The following TIPARP variants were observed in gnomAD, a reference collection of about 807,000 sequenced individuals.
TIPARP encodes protein mono-ADP-ribosyltransferase TIPARP.
Under a neutral mutation model 56.5 loss-of-function variants are expected in TIPARP, and 12 were observed. The ratio of observed to expected loss-of-function variants is 0.21; its 90% confidence interval spans 0.14 to 0.34. TIPARP has a LOEUF of 0.34. TIPARP is among the 10% of genes least tolerant of loss of function. TIPARP has a pLI of 1.00. For synonymous variants in TIPARP, 296 were observed against 265.7 expected, an observed-to-expected ratio of 1.11 and a Z score of -1.11; for missense variants, 604 against 781.6, an observed-to-expected ratio of 0.77 and a Z score of 2.71.
chr3:156,705,165 A>C lies in TIPARP; in HGVS notation c.*34A>C. 3 of 1,372,624 alleles carry C rather than the reference A, an allele frequency of 2.2e-6. No homozygotes were observed. The highest frequency in any genetic ancestry group is 2.9e-6 in the Non-Finnish European group (3 of 1,017,228). The allele number at this position is 1,372,624 out of a possible 1,614,324, so 85.0% of individuals were successfully genotyped here. A position where few individuals can be genotyped will look rare whatever the true frequency, so the allele number is the denominator to read the frequency against. ...GGTACTGCTAAATTATTTGATATGA[A>C]CTCAATCCAGCATTTGTAGCAGGTT... On this transcript the variant is annotated 3_prime_UTR_variant, in exon 6 of 6. Transcript: ENST00000295924.
intron 4 of TIPARP, among the ~76,000 whole-genome samples, chr3:156,697,422 C>CTT (rs60091681): frequency 0.54 from 76,224 of 140,184 alleles, 21,552 homozygotes; most frequent in East Asian, 0.84. Flanking sequence ...AATATGCCCT[C>CTT]TTTTTTTTTT....
chr3:156,690,791 C>T (rs1722554008), intron 2 of TIPARP, among the ~76,000 whole-genome samples: 1 of 151,976 alleles, frequency 6.6e-6, no homozygotes, highest in Non-Finnish European at 1.5e-5. Flanking sequence ...TTTGGCTGTC[C>T]CTCAGTAGAG....
chr3:156,686,376 A>G (rs1722428855), intron 2 of TIPARP, among the ~76,000 whole-genome samples: 1 of 152,234 alleles, frequency 6.6e-6, no homozygotes, highest in Admixed American at 6.5e-5. Flanking sequence ...GTTATAGCTT[A>G]TAAAACCTAG....
chr3:156,704,830 T>C lies in TIPARP; in HGVS notation c.1673T>C (p.Met558Thr), dbSNP rs368152871. 1.8e-5 allele frequency: 29 copies of C among 1,614,072 alleles called. No individual in the cohort carries two copies. Among genetic ancestry groups the C allele is most frequent in the Non-Finnish European group, 2.5e-5 (29 of 1,180,042 alleles). The change falls in exon 6 of 6, where the codon ATG becomes ACG. Residue 558 changes from methionine (M) to threonine (T), a missense_variant. This residue lies in a region of TIPARP where 77 missense variants were observed against 161.0 expected (regional missense o/e 0.48). Coordinates refer to ENST00000295924, the MANE Select transcript of TIPARP (RefSeq NM_015508.5). ...CGAGTCTGTGGAAAGCATGCTACAATGTTTGGACAAGGCAGTTATTTTGCA... is the reference window on the plus strand; with the variant it reads ...CGAGTCTGTGGAAAGCATGCTACAACGTTTGGACAAGGCAGTTATTTTGCA... ...DPRVCGKHAT[M>T]FGQGSYFAKK...
chr3:156,687,923 C>T (rs949309486), intron 2 of TIPARP, among the ~76,000 whole-genome samples: 4 of 152,174 alleles, frequency 2.6e-5, no homozygotes, highest in Admixed American at 1.3e-4. Context: ...GGAGCAGCAA[C>T]AAGGCCTAAT....
chr3:156,698,328 G>C (rs1251254206), intron 4 of TIPARP, among the ~76,000 whole-genome samples: 1 of 152,178 alleles, frequency 6.6e-6, no homozygotes, highest in Non-Finnish European at 1.5e-5. Flanking sequence ...CTAAACAAGA[G>C]ATTTTCAGTG....
intron 2 of TIPARP, among the ~76,000 whole-genome samples, chr3:156,690,287 A>T (rs986877356): frequency 6.6e-6 from 1 of 152,006 alleles, no homozygotes; most frequent in East Asian, 1.9e-4. Flanking sequence ...TATTCATGTC[A>T]TAGGTCCTTT....
chr3:156,705,855 G>T lies in TIPARP; in HGVS notation c.*724G>T, dbSNP rs1409991310. On this transcript the variant is annotated 3_prime_UTR_variant, in exon 6 of 6. Coordinates refer to ENST00000295924, the MANE Select transcript of TIPARP (RefSeq NM_015508.5). The stretch of plus-strand genomic sequence containing the variant: ...GTGATTTTTGTGTTGTTAAACTTCA[G>T]CTTTGGAAAACTCAGTCTCTTTCAT... The T allele has an allele frequency of 2.0e-5, 3 of 152,620 alleles. No homozygotes were observed. The highest frequency in any genetic ancestry group is 7.2e-5 in the African/African-American group (3 of 41,444). 9.5% of individuals were successfully genotyped at this position (152,620 alleles called of 1,614,324 possible). A position where few individuals can be genotyped will look rare whatever the true frequency, so the allele number is the denominator to read the frequency against.
chr3:156,699,270 T>C (rs1159828391), intron 4 of TIPARP, among the ~76,000 whole-genome samples: 1 of 152,258 alleles, frequency 6.6e-6, no homozygotes, highest in East Asian at 1.9e-4. Context: ...AAAGAAGTTC[T>C]GCGGGTAAAA....
At chr3:156,686,174 G>A (rs1329858210) in intron 2 of TIPARP, among the ~76,000 whole-genome samples, 1 of 152,170 alleles carries the variant, frequency 6.6e-6, no homozygotes, top group Admixed American at 6.5e-5. Flanking sequence ...CTTGCTTTCT[G>A]ACATTTGGAT....
chr3:156,693,489 A>G (rs1285949553), intron 2 of TIPARP, among the ~76,000 whole-genome samples: 1 of 152,174 alleles, frequency 6.6e-6, no homozygotes. Flanking sequence ...ATAAAAGATA[A>G]TATTGATGTT....
intron 2 of TIPARP, among the ~76,000 whole-genome samples, chr3:156,688,492 G>T (rs344007): frequency 6.9e-6 from 1 of 144,692 alleles, no homozygotes; most frequent in Non-Finnish European, 1.5e-5. Flanking sequence ...GCCCCCCCCC[G>T]CAATAAGTAG....
intron 2 of TIPARP, among the ~76,000 whole-genome samples, chr3:156,685,291 C>G (rs1559972341): frequency 1.3e-5 from 2 of 152,330 alleles, no homozygotes; most frequent in Non-Finnish European, 2.9e-5. Context: ...TCTTTCTCTG[C>G]TCTATGCTGT....
chr3:156,677,560 G>A, intron 1 of TIPARP, 97 bp from the exon 2 acceptor site: 1 of 783,416 alleles, frequency 1.3e-6, no homozygotes, highest in Non-Finnish European at 1.9e-6. Flanking sequence ...AATGGTTTCA[G>A]GGAATCAGTC....
At chr3:156,688,760 A>G (rs1269339878) in intron 2 of TIPARP, among the ~76,000 whole-genome samples, 2 of 152,202 alleles carry the variant, frequency 1.3e-5, no homozygotes, top group Non-Finnish European at 2.9e-5. Context: ...AAAGCCAGGT[A>G]TCAAAAGCCA....
Position 156,689,500 on chromosome 3 carries a change from T to C in TIPARP, c.918-4520T>C, listed in dbSNP as rs9816866. On this transcript the variant is annotated intron_variant, in intron 2 of 5. Transcript: ENST00000295924. ...TTCTCTACCTGTCCACTGCCAAAAA[T>C]AAATAAGTAAATCATTCTTCTATAC... Among the ~76,000 whole-genome samples, 537 of 152,326 alleles carry C rather than the reference T, an allele frequency of 3.5e-3. 6 individuals are homozygous for C. Among genetic ancestry groups the C allele is most frequent in the African/African-American group, 0.012 (512 of 41,570 alleles).
chr3:156,688,566 G>A (rs1403323013), intron 2 of TIPARP, among the ~76,000 whole-genome samples: 4 of 150,586 alleles, frequency 2.7e-5, no homozygotes, highest in African/African-American at 9.8e-5. Context: ...ATAAACAATA[G>A]TTTTGCTTCT....
chr3:156,704,341 A>C (rs2108499453), intron 5 of TIPARP, among the ~76,000 whole-genome samples: 1 of 152,334 alleles, frequency 6.6e-6, no homozygotes, highest in South Asian at 2.1e-4. Context: ...AAACTAATGA[A>C]GGACAAATGG....
At chr3:156,688,410 T>C (rs930935212) in intron 2 of TIPARP, among the ~76,000 whole-genome samples, 1 of 128,922 alleles carries the variant, frequency 7.8e-6, no homozygotes, top group African/African-American at 3.0e-5. Context: ...GAAAGAAAAA[T>C]AAATTTAATC....
Sources: allele counts gnomAD v4.1 joint callset (sites outside exome capture counted in the v4.1 genomes callset), GRCh38; gene constraint gnomAD v4.1.1; regional missense constraint gnomAD v4.1.1; transcripts MANE v1.5; gene names NCBI Gene and HGNC (gene_info 2026-07-23, HGNC 2026-07-21).